Variants in ERMP1 observed in about 807,000 individuals in gnomAD.
ERMP1 encodes the protein Felix-ina.
ERMP1 carries 86 observed loss-of-function variants against 92.0 expected under a neutral mutation model. The observed-to-expected ratio is 0.93, with a 90% CI of 0.79 to 1.12. ERMP1 has a LOEUF of 1.12. Among genes scored for constraint, ERMP1 ranks in the 50% most tolerant of loss-of-function variants. The pLI, the probability that ERMP1 is intolerant of heterozygous loss-of-function variation, is 0.00. For missense variants in ERMP1, 1,342 were observed against 1,116.3 expected (o/e 1.20, Z -2.88); for synonymous variants, 530 against 412.8 (o/e 1.28, Z -3.44).
At position 5,805,621 on chromosome 9, in the gene ERMP1, G is replaced by T; in HGVS notation, c.1713C>A (p.Phe571Leu). The T allele has an allele frequency of 1.9e-6, 3 of 1,583,210 alleles. No individual in the cohort carries two copies. Among genetic ancestry groups the T allele is most frequent in the Middle Eastern group, 1.7e-4 (1 of 5,918 alleles). Residue 571 changes from phenylalanine to leucine, a missense_variant, in exon 9 of 15, where the codon TTC (phenylalanine) becomes TTA (leucine). By Grantham distance (22) the Phe-to-Leu change is conservative (BLOSUM62 0). Coordinates refer to ENST00000339450, the MANE Select transcript of ERMP1 (RefSeq NM_024896.3). ...TCAAAAATACCCTACCATGCTGCTT[G>T]AAGTCCTTATGCACACAGAGCTTTG... is the stretch of plus-strand genomic sequence containing the variant. Reference protein sequence around the residue: ...LLTKLCVHKDFKQHGAQGKFI... With the variant: ...LLTKLCVHKDLKQHGAQGKFI...
intron 13 of ERMP1, among the ~76,000 whole-genome samples, chr9:5,790,965 T>G (rs1828167502): frequency 1.3e-5 from 2 of 152,188 alleles, no homozygotes; most frequent in Non-Finnish European, 2.9e-5. Context: ...ATCTTTACAT[T>G]TCATTGTATG....
intron 11 of ERMP1, among the ~76,000 whole-genome samples, chr9:5,800,359 GAA>G (rs1252424639): frequency 1.3e-5 from 2 of 152,132 alleles, no homozygotes; most frequent in African/African-American, 4.8e-5. Flanking sequence ...AAAATTTGAA[GAA>G]AAAGTTGAGA....
intron 4 of ERMP1, among the ~76,000 whole-genome samples, chr9:5,815,824 A>G (rs985184948): frequency 5.3e-5 from 8 of 152,196 alleles, no homozygotes; most frequent in African/African-American, 1.9e-4. Context: ...CAGATACCAC[A>G]TGCATCCTGA....
intron 13 of ERMP1, among the ~76,000 whole-genome samples, chr9:5,790,594 C>T (rs1262567178): frequency 6.6e-6 from 1 of 152,164 alleles, no homozygotes; most frequent in East Asian, 1.9e-4. Context: ...AAAGGTATTT[C>T]AGGCAAGTGG....
upstream of ERMP1, among the ~76,000 whole-genome samples, chr9:5,834,376 T>C (rs1388021799): frequency 6.6e-6 from 1 of 152,230 alleles, no homozygotes; most frequent in African/African-American, 2.4e-5. Flanking sequence ...CATGTTTGCA[T>C]GTGACTATTT....
Position 5,846,637 on chromosome 9 carries a change from A to T in ERMP1, n.3199+12831T>A, listed in dbSNP as rs572224613. On this transcript the variant is annotated intron_variant and non_coding_transcript_variant, in intron 6 of 6. Coordinates refer to the ERMP1 transcript ENST00000690753. Reference sequence around the variant, plus strand: ...TTCCCAAAGGATTGGGCAAGCACTTACTCCCGTGGGTGTGAAGGGGAAGAG... The same window carrying T: ...TTCCCAAAGGATTGGGCAAGCACTTTCTCCCGTGGGTGTGAAGGGGAAGAG... 1.3e-4 allele frequency among the ~76,000 whole-genome samples: 19 copies of T among 151,954 alleles called. 1 individual carries two copies. The highest frequency in any genetic ancestry group is 4.3e-4 in the African/African-American group (18 of 41,416).
At chr9:5,853,982 C>T (rs1434405499) in intron 6 of ERMP1, among the ~76,000 whole-genome samples, 1 of 151,792 alleles carries the variant, frequency 6.6e-6, no homozygotes, top group Non-Finnish European at 1.5e-5. Flanking sequence ...AATATTTTTA[C>T]ATAAATGGGG....
intron 11 of ERMP1, among the ~76,000 whole-genome samples, chr9:5,800,892 A>G (rs1828644540): frequency 6.6e-6 from 1 of 152,250 alleles, no homozygotes; most frequent in Non-Finnish European, 1.5e-5. Flanking sequence ...ATTCCATAAT[A>G]AATATTTGCT....
Position 5,787,704 on chromosome 9 carries a change from T to C in ERMP1, c.2387-111A>G, listed in dbSNP as rs572873302. On this transcript the variant is annotated intron_variant, in intron 13 of 14. Transcript: ENST00000339450. ...GTTCATGCCTGCATGACTTTAAATA[T>C]ACTTACTATAAACCTAATGGAGGTT... is the stretch of plus-strand genomic sequence containing the variant. The C allele has an allele frequency of 5.4e-5, 58 of 1,065,846 alleles. No individual in the cohort carries two copies. In the East Asian group the frequency reaches 1.2e-3, roughly 21 times the overall value. 66.0% of individuals were successfully genotyped at this position (1,065,846 alleles called of 1,614,324 possible).
At chr9:5,800,303 G>A (rs1403450936) in intron 11 of ERMP1, among the ~76,000 whole-genome samples, 1 of 152,178 alleles carries the variant, frequency 6.6e-6, no homozygotes, top group Non-Finnish European at 1.5e-5. Context: ...ATCTCTAACA[G>A]AGATGACTAG....
At chr9:5,861,197 G>GTGTGTGTGTGTGTGTGTA (rs1830482543) in intron 5 of ERMP1, among the ~76,000 whole-genome samples, 15 of 148,628 alleles carry the variant, frequency 1.0e-4, no homozygotes, top group African/African-American at 3.5e-4. Context: ...GTGTGTGTGT[G>GTGTGTGTGTGTGTGTGTA]TGTGTGTGTG....
chr9:5,829,420 T>A (rs1015626085), intron 2 of ERMP1, among the ~76,000 whole-genome samples: 2 of 152,228 alleles, frequency 1.3e-5, no homozygotes, highest in African/African-American at 2.4e-5. Context: ...ACATTTTGTA[T>A]AACTCTAGAC....
At chr9:5,830,359 A>C (rs1829892113) in intron 2 of ERMP1, among the ~76,000 whole-genome samples, 1 of 152,166 alleles carries the variant, frequency 6.6e-6, no homozygotes, top group Non-Finnish European at 1.5e-5. Context: ...GTATCCCCAA[A>C]GCCTAGTATA....
At chr9:5,794,905 G>GTCCAGCATTA (rs1586769555) in intron 13 of ERMP1, among the ~76,000 whole-genome samples, 1 of 152,160 alleles carries the variant, frequency 6.6e-6, no homozygotes, top group African/African-American at 2.4e-5. Context: ...CATCCTATGA[G>GTCCAGCATTA]TCCAGCATTA....
At chr9:5,847,689 A>G (rs555806145) in intron 6 of ERMP1, among the ~76,000 whole-genome samples, 1 of 152,170 alleles carries the variant, frequency 6.6e-6, no homozygotes, top group East Asian at 1.9e-4. Flanking sequence ...AGGTCAAGAG[A>G]TCGAGACCAT....
At chr9:5,852,819 C>T (rs928011530) in intron 6 of ERMP1, among the ~76,000 whole-genome samples, 2 of 152,142 alleles carry the variant, frequency 1.3e-5, no homozygotes, top group African/African-American at 4.8e-5. Context: ...TGATAGGATT[C>T]AATTCATCAC....
At chr9:5,843,989 A>G (rs1002517826) in intron 6 of ERMP1, among the ~76,000 whole-genome samples, 2 of 152,152 alleles carry the variant, frequency 1.3e-5, no homozygotes, top group African/African-American at 2.4e-5. Flanking sequence ...CCCCCTGGCC[A>G]ATACCGGCAC....
At chr9:5,836,676 C>T (rs1404665570), upstream of ERMP1, among the ~76,000 whole-genome samples, 4 of 152,224 alleles carry the variant, frequency 2.6e-5, no homozygotes, top group Admixed American at 6.5e-5. Context: ...AAAGCTTGGG[C>T]GTCAGGGTGC....
At chr9:5,863,093 T>C (rs1017465614) in intron 5 of ERMP1, among the ~76,000 whole-genome samples, 4 of 152,156 alleles carry the variant, frequency 2.6e-5, no homozygotes, top group Non-Finnish European at 4.4e-5. Context: ...ATCCAATAAT[T>C]ACAGCAGCAA....
Sources: allele counts gnomAD v4.1 joint callset (sites outside exome capture counted in the v4.1 genomes callset), GRCh38; gene constraint gnomAD v4.1.1; transcripts MANE v1.5; gene names NCBI Gene and HGNC (gene_info 2026-07-23, HGNC 2026-07-21).